ESRRG: variants seen among roughly 807,000 people sequenced by gnomAD.
The protein encoded by ESRRG is estrogen-related receptor gamma.
A neutral mutation model predicts 44.0 loss-of-function variants in ESRRG; 13 were observed. That is an observed-to-expected ratio of 0.30 (90% CI 0.19 to 0.47). The LOEUF is 0.47. ESRRG is among the 20% of genes least tolerant of loss of function. The pLI is 1.00. For synonymous variants in ESRRG, 215 were observed against 214.6 expected (o/e 1.00, Z -0.02); for missense variants, 395 against 580.6 (o/e 0.68, Z 3.29).
intron 1 of ESRRG, among the ~76,000 whole-genome samples, chr1:217,026,922 G>C (rs866876912): frequency 0.16 from 19,494 of 125,744 alleles, 1,697 homozygotes; most frequent in Middle Eastern, 0.3. Flanking sequence ...CAGAGAGAGA[G>C]AGAGAGAGAG....
At chr1:216,726,077 T>G (rs1266430061), upstream of ESRRG, among the ~76,000 whole-genome samples, 1 of 152,188 alleles carries the variant, frequency 6.6e-6, no homozygotes, top group African/African-American at 2.4e-5. Flanking sequence ...GACTCATGCG[T>G]AAGTCATTGT....
At chr1:217,084,020 A>G (rs759394393) in intron 1 of ESRRG, among the ~76,000 whole-genome samples, 15 of 152,120 alleles carry the variant, frequency 9.9e-5, no homozygotes, top group African/African-American at 3.4e-4. Context: ...TGCTTGCTAC[A>G]TCTACTTCTT....
At chr1:216,754,881 C>A (rs981853437) in intron 2 of ESRRG, among the ~76,000 whole-genome samples, 1 of 151,698 alleles carries the variant, frequency 6.6e-6, no homozygotes, top group Non-Finnish European at 1.5e-5. Context: ...ACTGACTACA[C>A]AGATGGGGAA....
At chr1:216,775,863 C>G (rs1014293742) in intron 2 of ESRRG, among the ~76,000 whole-genome samples, 5 of 151,952 alleles carry the variant, frequency 3.3e-5, no homozygotes, top group African/African-American at 9.7e-5. Flanking sequence ...CCGTGCCAAG[C>G]TATTTTTTTA....
intron 2 of ESRRG, among the ~76,000 whole-genome samples, chr1:216,799,806 A>T (rs1011163466): frequency 1.3e-5 from 2 of 152,158 alleles, no homozygotes; most frequent in African/African-American, 4.8e-5. Context: ...CAAAACAGAA[A>T]CATTCCAGGC....
intron 5 of ESRRG, among the ~76,000 whole-genome samples, chr1:216,539,417 A>G (rs1412343874): frequency 1.3e-5 from 2 of 151,938 alleles, no homozygotes; most frequent in African/African-American, 2.4e-5. Flanking sequence ...GTGAGACAAC[A>G]CACTTGAAAA....
intron 5 of ESRRG, among the ~76,000 whole-genome samples, chr1:216,561,746 C>T (rs2058785940): frequency 6.6e-6 from 1 of 152,028 alleles, no homozygotes; most frequent in Admixed American, 6.6e-5. Context: ...TTGCTAATCC[C>T]TTTCTGAAAA....
chr1:217,011,406 G>A (rs2078592869), intron 1 of ESRRG, among the ~76,000 whole-genome samples: 4 of 152,176 alleles, frequency 2.6e-5, no homozygotes, highest in Admixed American at 2.6e-4. Context: ...AGTCTGAGTG[G>A]TGACTTGGTA....
chr1:217,057,398 T>C (rs1419888769), intron 1 of ESRRG, among the ~76,000 whole-genome samples: 1 of 152,126 alleles, frequency 6.6e-6, no homozygotes, highest in Admixed American at 6.6e-5. Flanking sequence ...AAAGTGATTA[T>C]AATTACAAAA....
upstream of ESRRG, among the ~76,000 whole-genome samples, chr1:217,091,792 C>T (rs1035507175): frequency 6.6e-6 from 1 of 152,266 alleles, no homozygotes; most frequent in East Asian, 1.9e-4. Context: ...TTACTATAGG[C>T]GTTATTGGTA....
rs572537340 is a variant in ESRRG at position 216,650,972 on chromosome 1, C to T, written c.589+1G>A. ...TCAGGGGCACTAGCAAAGAGCCTTA[C>T]CTTCTTTCAGCATGCCCACTTTTAA... On this transcript the variant is annotated splice_donor_variant, in intron 3 of 6. Transcript: ENST00000408911. LOFTEE classifies it high-confidence loss of function. 1 of 1,592,268 alleles carries T rather than the reference C, an allele frequency of 6.3e-7. No individual in the cohort carries two copies. Among genetic ancestry groups the T allele is most frequent in the Non-Finnish European group, 8.6e-7 (1 of 1,160,170 alleles).
intron 1 of ESRRG, among the ~76,000 whole-genome samples, chr1:217,082,280 A>G (rs2091818732): frequency 6.6e-6 from 1 of 152,208 alleles, no homozygotes; most frequent in South Asian, 2.1e-4. Flanking sequence ...AGCACAGAGA[A>G]CTGGTGGACC....
At chr1:217,025,460 G>A (rs1043128126) in intron 1 of ESRRG, among the ~76,000 whole-genome samples, 3 of 151,984 alleles carry the variant, frequency 2.0e-5, no homozygotes, top group African/African-American at 7.2e-5. Flanking sequence ...TAACTTCTAG[G>A]GTAAATCAAT....
At chr1:216,828,849 T>C (rs2095439795) in intron 2 of ESRRG, among the ~76,000 whole-genome samples, 1 of 152,202 alleles carries the variant, frequency 6.6e-6, no homozygotes, top group Admixed American at 6.5e-5. Flanking sequence ...TTTATTAACT[T>C]ATCATCCTAG....
chr1:216,795,209 C>T (rs745731905), intron 2 of ESRRG, among the ~76,000 whole-genome samples: 3 of 151,912 alleles, frequency 2.0e-5, no homozygotes, highest in South Asian at 4.2e-4. Context: ...TTAAACTAAC[C>T]GGGCTCACTG....
intron 1 of ESRRG, among the ~76,000 whole-genome samples, chr1:217,135,017 C>A (rs1233730402): frequency 6.6e-6 from 1 of 152,342 alleles, no homozygotes; most frequent in South Asian, 2.1e-4. Flanking sequence ...CCTCTCCTTT[C>A]CCCGCTTTCC....
chr1:216,767,344 A>T (rs2093134894), intron 2 of ESRRG, among the ~76,000 whole-genome samples: 1 of 152,144 alleles, frequency 6.6e-6, no homozygotes. Context: ...ATAAGGGCAT[A>T]CAGAAAGAAA....
At chr1:216,931,707 C>T (rs1221600597) in intron 2 of ESRRG, among the ~76,000 whole-genome samples, 3 of 152,042 alleles carry the variant, frequency 2.0e-5, no homozygotes, top group Non-Finnish European at 4.4e-5. Flanking sequence ...ATCTCTCCAA[C>T]TTGTCTATGA....
chr1:216,752,929 CAAG>C (rs2092158065), intron 2 of ESRRG, among the ~76,000 whole-genome samples: 1 of 151,906 alleles, frequency 6.6e-6, no homozygotes, highest in African/African-American at 2.4e-5. Flanking sequence ...AGAACTGTTT[CAAG>C]AAGAATATTT....
Sources: allele counts gnomAD v4.1 joint callset (sites outside exome capture counted in the v4.1 genomes callset), GRCh38; gene constraint gnomAD v4.1.1; transcripts MANE v1.5; gene names NCBI Gene and HGNC (gene_info 2026-07-23, HGNC 2026-07-21).